The following RBFOX1 variants were observed in gnomAD, a reference collection of about 807,000 sequenced individuals.
RBFOX1 encodes the protein RNA binding protein fox-1 homolog 1.
A neutral mutation model predicts 57.7 loss-of-function variants in RBFOX1; 8 were observed. That is an observed-to-expected ratio of 0.14 (90% CI 0.08 to 0.25). The LOEUF (loss-of-function observed/expected upper bound fraction) is 0.25, where lower values mean the gene tolerates loss of function less well. Ranked by LOEUF, RBFOX1 falls within the 10% of genes least tolerant of loss-of-function variation. The probability of loss-of-function intolerance (pLI) is 1.00; values close to 1 mark genes in which losing one functional copy is unlikely to be tolerated. For missense variants in RBFOX1, 611 were observed against 548.5 expected (o/e 1.11, Z -1.14); for synonymous variants, 326 against 222.4 (o/e 1.47, Z -4.15).
intron 2 of RBFOX1, among the ~76,000 whole-genome samples, chr16:6,550,471 G>T (rs951815256): frequency 5.3e-5 from 8 of 151,846 alleles, no homozygotes; most frequent in Non-Finnish European, 1.5e-5. Context: ...GATTATAGGC[G>T]TCTGCCACCA....
intron 4 of RBFOX1, among the ~76,000 whole-genome samples, chr16:6,004,197 T>TA (rs1429370180): frequency 6.6e-6 from 1 of 152,096 alleles, no homozygotes; most frequent in Admixed American, 6.5e-5. Context: ...TAAGATAAAA[T>TA]AAAATTTTTT....
At chr16:6,706,011 C>G (rs907560747) in intron 3 of RBFOX1, among the ~76,000 whole-genome samples, 1 of 152,096 alleles carries the variant, frequency 6.6e-6, no homozygotes, top group African/African-American at 2.4e-5. Flanking sequence ...GAGCAAGACT[C>G]TGTCTTAAAA....
intron 1 of RBFOX1, chr16:5,366,266 TG>T: frequency 2.5e-6 from 1 of 395,342 alleles, no homozygotes; most frequent in Non-Finnish European, 4.9e-6. Flanking sequence ...TAAAACTTGC[TG>T]CCGATGAAGA....
At chr16:5,461,993 C>T (rs2068802143) in intron 1 of RBFOX1, among the ~76,000 whole-genome samples, 2 of 152,024 alleles carry the variant, frequency 1.3e-5, no homozygotes, top group Non-Finnish European at 2.9e-5. Flanking sequence ...GGTTGCCCAC[C>T]AGAAAGGTGG....
chr16:6,503,548 C>G (rs2096001810), intron 2 of RBFOX1, among the ~76,000 whole-genome samples: 2 of 152,188 alleles, frequency 1.3e-5, no homozygotes, highest in Admixed American at 6.5e-5. Flanking sequence ...TGTCTTGACA[C>G]ACATACTTGG....
chr16:6,403,478 C>T (rs1271547238), intron 2 of RBFOX1, among the ~76,000 whole-genome samples: 1 of 152,078 alleles, frequency 6.6e-6, no homozygotes, highest in Non-Finnish European at 1.5e-5. Context: ...GGCCTCCCTC[C>T]TGAACCTCCC....
At chr16:6,576,121 G>T (rs191595905) in intron 2 of RBFOX1, among the ~76,000 whole-genome samples, 5 of 152,236 alleles carry the variant, frequency 3.3e-5, no homozygotes, top group African/African-American at 1.2e-4. Flanking sequence ...TTTATGATTA[G>T]CATCTACTTT....
At chr16:7,005,930 C>G (rs1050612030) in intron 3 of RBFOX1, among the ~76,000 whole-genome samples, 2 of 152,080 alleles carry the variant, frequency 1.3e-5, no homozygotes, top group Admixed American at 1.3e-4. Context: ...TGACAGCATC[C>G]AATCCAGAGA....
At chr16:5,522,713 C>G (rs775539285) in intron 2 of RBFOX1, among the ~76,000 whole-genome samples, 3 of 152,298 alleles carry the variant, frequency 2.0e-5, no homozygotes, top group Non-Finnish European at 4.4e-5. Context: ...CCTTCCCCAC[C>G]TCTGGTATCT....
chr16:5,928,411 GA>G (rs374169902), intron 4 of RBFOX1, among the ~76,000 whole-genome samples: 603 of 132,442 alleles, frequency 4.6e-3, no homozygotes, highest in African/African-American at 5.9e-3. Flanking sequence ...TTCTCGCCAT[GA>G]AAAAAAAAAA....
intron 3 of RBFOX1, among the ~76,000 whole-genome samples, chr16:7,012,708 G>A (rs2093710834): frequency 1.3e-5 from 2 of 152,192 alleles, no homozygotes; most frequent in South Asian, 2.1e-4. Flanking sequence ...AGGCCAGAGT[G>A]ACTTGCTTTG....
intron 2 of RBFOX1, among the ~76,000 whole-genome samples, chr16:6,437,335 T>G (rs146679990): frequency 3.9e-4 from 60 of 152,344 alleles, no homozygotes; most frequent in Middle Eastern, 3.4e-3. Flanking sequence ...TGTGCAGAAC[T>G]AAGCACAGAG....
chr16:6,357,484 G>A (rs1178072868), intron 2 of RBFOX1, among the ~76,000 whole-genome samples: 1 of 152,118 alleles, frequency 6.6e-6, no homozygotes, highest in African/African-American at 2.4e-5. Context: ...CCAAGGATAA[G>A]GGAGTTGGAA....
chr16:6,214,571 G>A (rs371233601), intron 1 of RBFOX1, among the ~76,000 whole-genome samples: 1 of 110,206 alleles, frequency 9.1e-6, no homozygotes, highest in Non-Finnish European at 1.9e-5. Context: ...AGGGAGGGGG[G>A]AGAGGCAAAG....
intron 2 of RBFOX1, among the ~76,000 whole-genome samples, chr16:6,613,082 T>C (rs1601540816): frequency 6.6e-6 from 1 of 151,548 alleles, no homozygotes; most frequent in East Asian, 2.0e-4. Flanking sequence ...GGATAAATAC[T>C]GTGGTACAGG....
At chr16:7,021,537 A>T (rs1157976701) in intron 3 of RBFOX1, among the ~76,000 whole-genome samples, 1 of 145,764 alleles carries the variant, frequency 6.9e-6, no homozygotes, top group Non-Finnish European at 1.5e-5. Context: ...ATAAAATTTT[A>T]TAAAATTTTT....
chr16:5,401,777 C>CTCT (rs1181409019), intron 1 of RBFOX1, among the ~76,000 whole-genome samples: 3 of 150,036 alleles, frequency 2.0e-5, no homozygotes, highest in South Asian at 4.3e-4. Flanking sequence ...CCTCCTCCTC[C>CTCT]TCCTCCTCCT....
chr16:5,476,661 G>C, intron 2 of RBFOX1, among the ~76,000 whole-genome samples: 1 of 152,208 alleles, frequency 6.6e-6, no homozygotes, highest in Non-Finnish European at 1.5e-5. Context: ...TTGAGGACAA[G>C]ATACATGTTT....
intron 3 of RBFOX1, chr16:6,773,970 C>A: frequency 2.0e-6 from 2 of 985,274 alleles, no homozygotes; most frequent in Non-Finnish European, 2.4e-6. Context: ...TCTCATGGTC[C>A]TCCCGTTTTC....
Sources: gnomAD v4.1 joint callset for allele counts (sites outside exome capture counted in the v4.1 genomes callset) on GRCh38, gnomAD v4.1.1 for gene constraint, MANE v1.5 for transcripts, NCBI Gene and HGNC (gene_info 2026-07-23, HGNC 2026-07-21) for gene names.